The following ANKRD13C variants were observed in gnomAD, a reference collection of about 807,000 sequenced individuals.
ANKRD13C encodes the protein ankyrin repeat domain 13C, also known as ankyrin repeat domain-containing protein 13C.
ANKRD13C carries 16 observed loss-of-function variants against 65.5 expected under a neutral mutation model. That is an observed-to-expected ratio of 0.24 (90% CI 0.17 to 0.37). The LOEUF (loss-of-function observed/expected upper bound fraction) is 0.37. ANKRD13C is among the 10% of genes least tolerant of loss of function. The pLI is 1.00. For synonymous variants in ANKRD13C, 235 were observed against 238.7 expected (o/e 0.98, Z 0.14); for missense variants, 503 against 655.9 (o/e 0.77, Z 2.55).
At chr1:70,278,694 T>A (rs543512970) in intron 9 of ANKRD13C, among the ~76,000 whole-genome samples, 1 of 152,156 alleles carries the variant, frequency 6.6e-6, no homozygotes, top group African/African-American at 2.4e-5. Context: ...GTTTTACATA[T>A]AATTAGTGTA....
At chr1:70,283,295 CTT>C (rs554605685) in intron 9 of ANKRD13C, among the ~76,000 whole-genome samples, 6 of 152,090 alleles carry the variant, frequency 3.9e-5, no homozygotes, top group Non-Finnish European at 7.4e-5. Context: ...CCAGATAACT[CTT>C]TAAGTTATTT....
intron 2 of ANKRD13C, among the ~76,000 whole-genome samples, chr1:70,332,907 T>G (rs909998309): frequency 6.6e-6 from 1 of 152,162 alleles, no homozygotes; most frequent in African/African-American, 2.4e-5. Context: ...AGATGGCAGA[T>G]AGGCTTCATT....
chr1:70,282,329 AC>A (rs1679434336), intron 9 of ANKRD13C, among the ~76,000 whole-genome samples: 1 of 152,082 alleles, frequency 6.6e-6, no homozygotes, highest in Middle Eastern at 3.4e-3. Flanking sequence ...TGCTGGGATT[AC>A]AGACATGAGA....
chr1:70,317,502 T>A (rs1439827607), intron 3 of ANKRD13C, among the ~76,000 whole-genome samples: 1 of 152,166 alleles, frequency 6.6e-6, no homozygotes, highest in East Asian at 1.9e-4. Context: ...ACAGTAGTTA[T>A]CGTTTTTATA....
intron 2 of ANKRD13C, among the ~76,000 whole-genome samples, chr1:70,331,183 T>C (rs903290294): frequency 6.6e-6 from 1 of 152,220 alleles, no homozygotes; most frequent in African/African-American, 2.4e-5. Flanking sequence ...ATGAAATCAC[T>C]AAAGGTACAG....
At chr1:70,298,841 T>C (rs1680202644) in intron 7 of ANKRD13C, among the ~76,000 whole-genome samples, 1 of 152,194 alleles carries the variant, frequency 6.6e-6, no homozygotes, top group Admixed American at 6.5e-5. Context: ...ACAGCAGAGT[T>C]GAGTAGTTGT....
chr1:70,307,424 T>C lies in ANKRD13C; in HGVS notation c.710-1134A>G, dbSNP rs1447901439. On this transcript the variant is annotated intron_variant, in intron 5 of 12. Transcript: ENST00000370944. ...CATAAACCAGTCTCAAATAAATAAA[T>C]AAACAAATAAAATTTTTAAAATAAA... Among the ~76,000 whole-genome samples, 8 of 151,804 alleles carry C rather than the reference T, an allele frequency of 5.3e-5. No individual in the cohort carries two copies. In the East Asian group the frequency reaches 1.4e-3, roughly 26 times the overall value.
At chr1:70,272,318 C>T (rs144397581) in intron 11 of ANKRD13C, among the ~76,000 whole-genome samples, 4,637 of 151,886 alleles carry the variant, frequency 0.031, 194 homozygotes, top group African/African-American at 0.094. Flanking sequence ...CTCCGCCTCC[C>T]GGGTTCAAGT....
At chr1:70,269,210 T>C (rs1678772596) in intron 12 of ANKRD13C, among the ~76,000 whole-genome samples, 1 of 152,254 alleles carries the variant, frequency 6.6e-6, no homozygotes, top group East Asian at 1.9e-4. Flanking sequence ...ACCCCATAAC[T>C]TTAAGTATAC....
chr1:70,334,590 T>C (rs929841718), intron 2 of ANKRD13C, among the ~76,000 whole-genome samples: 1 of 152,052 alleles, frequency 6.6e-6, no homozygotes, highest in East Asian at 1.9e-4. Context: ...GATTGCATCA[T>C]TGCACTCCAC....
intron 3 of ANKRD13C, among the ~76,000 whole-genome samples, chr1:70,318,849 A>G (rs2101497617): frequency 6.6e-6 from 1 of 152,008 alleles, no homozygotes; most frequent in Non-Finnish European, 1.5e-5. Flanking sequence ...TGCCCAGCTA[A>G]TTTTTGTATT....
At chr1:70,278,747 T>C (rs563796163) in intron 9 of ANKRD13C, among the ~76,000 whole-genome samples, 1 of 152,242 alleles carries the variant, frequency 6.6e-6, no homozygotes, top group African/African-American at 2.4e-5. Context: ...AAATCAAGGA[T>C]TGCTAAGACA....
At chr1:70,352,114 C>T (rs1235200178) in intron 1 of ANKRD13C, among the ~76,000 whole-genome samples, 2 of 151,890 alleles carry the variant, frequency 1.3e-5, no homozygotes, top group African/African-American at 2.4e-5. Context: ...CCGAGGCGGG[C>T]AGATCACGAG....
At chr1:70,353,319 A>T (rs2101653598) in intron 1 of ANKRD13C, among the ~76,000 whole-genome samples, 1 of 152,376 alleles carries the variant, frequency 6.6e-6, no homozygotes, top group Middle Eastern at 3.4e-3. Context: ...ACAGTCATCA[A>T]GATGAGACAT....
intron 8 of ANKRD13C, among the ~76,000 whole-genome samples, chr1:70,292,997 T>A (rs1670945): frequency 6.6e-6 from 1 of 152,302 alleles, no homozygotes; most frequent in South Asian, 2.1e-4. Context: ...AAATAGTCCA[T>A]GTCACACAAG....
chr1:70,326,727 T>A (rs947308389), intron 2 of ANKRD13C, among the ~76,000 whole-genome samples: 5 of 152,096 alleles, frequency 3.3e-5, no homozygotes, highest in Non-Finnish European at 5.9e-5. Flanking sequence ...ATAACAGACA[T>A]GTTGCATCTA....
At chr1:70,317,198 CA>C (rs1244519847) in intron 3 of ANKRD13C, among the ~76,000 whole-genome samples, 19 of 151,934 alleles carry the variant, frequency 1.3e-4, no homozygotes, top group Admixed American at 1.0e-3. Context: ...AATCAAAGAA[CA>C]ATGCTTAAAT....
chr1:70,327,379 G>A (rs1424594322), intron 2 of ANKRD13C, among the ~76,000 whole-genome samples: 4 of 152,160 alleles, frequency 2.6e-5, no homozygotes, highest in Non-Finnish European at 5.9e-5. Flanking sequence ...AAGAAACATG[G>A]AGAGAAAATG....
intron 11 of ANKRD13C, among the ~76,000 whole-genome samples, chr1:70,274,334 C>T (rs1290236685): frequency 1.3e-5 from 2 of 151,588 alleles, no homozygotes; most frequent in East Asian, 4.0e-4. Flanking sequence ...ATTAGCCGGG[C>T]GTGGTGGTGG....
Sources: allele counts gnomAD v4.1 joint callset (sites outside exome capture counted in the v4.1 genomes callset), GRCh38; gene constraint gnomAD v4.1.1; transcripts MANE v1.5; gene names NCBI Gene and HGNC (gene_info 2026-07-23, HGNC 2026-07-21).